IFT140: variants seen among roughly 807,000 people sequenced by gnomAD.
IFT140 encodes the protein intraflagellar transport protein 140 homolog.
In IFT140, 133 loss-of-function variants were observed where a neutral mutation model predicts 164.6. The ratio of observed to expected loss-of-function variants is 0.81; its 90% CI spans 0.70 to 0.93. The LOEUF is 0.93. IFT140 is among the 40% of genes least tolerant of loss of function. The pLI is 0.00. For synonymous variants in IFT140, 860 were observed against 817.3 expected, an observed-to-expected ratio of 1.05 and a Z score of -0.89; for missense variants, 2,045 against 1,972.3, an observed-to-expected ratio of 1.04 and a Z score of -0.70.
At chr16:1,577,785 G>A (rs1023268314) in intron 13 of IFT140, 1 of 152,124 alleles carries the variant, frequency 6.6e-6, no homozygotes, top group Admixed American at 6.6e-5. Flanking sequence ...AGTCCCAGAG[G>A]CGGAGGTTGC....
At chr16:1,543,450 C>T (rs747196676) in intron 19 of IFT140, among the ~76,000 whole-genome samples, 62 of 152,328 alleles carry the variant, frequency 4.1e-4, no homozygotes, top group Non-Finnish European at 6.5e-4. Flanking sequence ...GGGCAAGTCA[C>T]TTCCCCTGGC....
intron 10 of IFT140, 31 bp downstream of exon 10, chr16:1,586,099 T>A: frequency 6.2e-7 from 1 of 1,606,756 alleles, no homozygotes; most frequent in Non-Finnish European, 8.5e-7. Flanking sequence ...CAGCAGAAAA[T>A]GAGTGCACCG....
chr16:1,589,647 C>G lies in IFT140; in HGVS notation c.768G>C (p.Leu256=), dbSNP rs775181670. ...VVVTENLRLS[L]YTVPPEGKAE... ...CTTTGCCCTCAGGAGGCACCGTGTACAGGGACAGCCGGAGGTTCTCTGTGA... is the reference window on the plus strand; with the variant it reads ...CTTTGCCCTCAGGAGGCACCGTGTAGAGGGACAGCCGGAGGTTCTCTGTGA... Residue 256 remains leucine, a synonymous_variant, in exon 7 of 31, where the codon CTG becomes CTC. Transcript: ENST00000426508. 2 of 1,614,076 alleles carry G rather than the reference C, an allele frequency of 1.2e-6. No homozygotes were observed. Among genetic ancestry groups the G allele is most frequent in the Non-Finnish European group, 1.7e-6 (2 of 1,180,038 alleles).
intron 19 of IFT140, among the ~76,000 whole-genome samples, chr16:1,534,715 G>A (rs2030889597): frequency 6.6e-6 from 1 of 152,228 alleles, no homozygotes; most frequent in South Asian, 2.1e-4. Context: ...GTGTCTCCCA[G>A]GGAACCAGGC....
intron 16 of IFT140, 43 bp downstream of exon 16, chr16:1,566,118 A>G (rs773726071): frequency 3.1e-6 from 5 of 1,600,966 alleles, no homozygotes; most frequent in Admixed American, 3.4e-5. Context: ...AAGTAACTGA[A>G]CATCATTTTT....
Position 1,553,447 on chromosome 16 carries a change from C to T in IFT140, c.2399+4488G>A, listed in dbSNP as rs538164033. Reference sequence around the variant, plus strand: ...GAGTGGAGAGACCGGCATGAACAGACGCACAGGTGTCAACATGCAGGCCAG... The same window carrying T: ...GAGTGGAGAGACCGGCATGAACAGATGCACAGGTGTCAACATGCAGGCCAG... On this transcript the variant is annotated intron_variant, in intron 19 of 30. Coordinates refer to ENST00000426508, the MANE Select transcript of IFT140 (RefSeq NM_014714.4). The surrounding 1 kb of genome is among the most constrained non-coding windows in gnomAD (Gnocchi z 4.4). 6.8e-5 allele frequency: 67 copies of T among 985,420 alleles called. No individual in the cohort carries two copies. The highest frequency in any genetic ancestry group is 6.1e-4 in the South Asian group (13 of 21,286). The allele number at this position is 985,420 out of a possible 1,614,324, so 61.0% of individuals were successfully genotyped here. A position where few individuals can be genotyped will look rare whatever the true frequency, so the allele number is the denominator to read the frequency against.
chr16:1,529,030 G>C (rs2030148448), intron 19 of IFT140, among the ~76,000 whole-genome samples: 1 of 152,186 alleles, frequency 6.6e-6, no homozygotes, highest in Admixed American at 6.5e-5. Flanking sequence ...TCTGAGTCTA[G>C]GGGCTGGACG....
intron 19 of IFT140, among the ~76,000 whole-genome samples, chr16:1,557,401 C>T (rs748541126): frequency 6.6e-6 from 1 of 152,188 alleles, no homozygotes; most frequent in Non-Finnish European, 1.5e-5. Context: ...GGGCTTGCTC[C>T]GGCAACCTAA....
intron 10 of IFT140, 141 bp from the exon 11 acceptor site, chr16:1,584,561 T>C (rs1393732557): frequency 6.0e-6 from 4 of 665,122 alleles, no homozygotes; most frequent in Non-Finnish European, 1.0e-5. Context: ...AATGATCTTA[T>C]AAGACATTAT....
intron 2 of IFT140, among the ~76,000 whole-genome samples, chr16:1,608,216 G>A (rs1028190200): frequency 1.3e-5 from 2 of 152,090 alleles, no homozygotes; most frequent in Admixed American, 6.6e-5. Context: ...TATACACATC[G>A]TCCCTTTTCA....
intron 30 of IFT140, among the ~76,000 whole-genome samples, chr16:1,516,190 G>C (rs1426973972): frequency 9.1e-6 from 1 of 109,478 alleles, no homozygotes; most frequent in Admixed American, 1.0e-4. Flanking sequence ...ACCAGAAATG[G>C]ATGGTAAATA....
At chr16:1,545,511 C>T (rs764086859) in intron 19 of IFT140, among the ~76,000 whole-genome samples, 18 of 151,878 alleles carry the variant, frequency 1.2e-4, no homozygotes, top group African/African-American at 2.9e-4. Flanking sequence ...ATTTTAGAGT[C>T]GGGTTTTTTT....
At chr16:1,529,084 C>A (rs773627226) in intron 19 of IFT140, among the ~76,000 whole-genome samples, 1 of 152,218 alleles carries the variant, frequency 6.6e-6, no homozygotes, top group Non-Finnish European at 1.5e-5. Flanking sequence ...GTGGCTGCAA[C>A]GCGGCATACC....
chr16:1,538,959 C>T (rs540492658), intron 19 of IFT140, among the ~76,000 whole-genome samples: 1 of 152,316 alleles, frequency 6.6e-6, no homozygotes, highest in Non-Finnish European at 1.5e-5. Context: ...AAACCCAGGG[C>T]AAAAGCGCCC....
intron 19 of IFT140, chr16:1,554,904 A>G: frequency 6.2e-7 from 1 of 1,614,230 alleles, no homozygotes; most frequent in Non-Finnish European, 8.5e-7. Flanking sequence ...AGCCATGCTC[A>G]TCTGGAACAT....
intron 30 of IFT140, chr16:1,514,393 T>A (rs1450258445): frequency 6.6e-6 from 1 of 151,844 alleles, no homozygotes; most frequent in South Asian, 2.1e-4. Flanking sequence ...AATAAATAAA[T>A]AAAAGATTTT....
intron 12 of IFT140, among the ~76,000 whole-genome samples, chr16:1,582,358 C>T (rs1056631525): frequency 1.3e-5 from 2 of 152,166 alleles, no homozygotes; most frequent in African/African-American, 4.8e-5. Flanking sequence ...AGGTTTGTGA[C>T]CACAAGCCAA....
intron 11 of IFT140, among the ~76,000 whole-genome samples, chr16:1,583,935 A>C (rs540672929): frequency 6.6e-6 from 1 of 152,108 alleles, no homozygotes; most frequent in African/African-American, 2.4e-5. Context: ...GAGTTTTAGC[A>C]TCTTGGCCAG....
At chr16:1,522,752 C>T (rs1180805269) in intron 26 of IFT140, among the ~76,000 whole-genome samples, 5 of 152,040 alleles carry the variant, frequency 3.3e-5, no homozygotes, top group East Asian at 1.9e-4. Context: ...GCAGGAGAAT[C>T]GCCTGAACCC....
Sources: gnomAD v4.1 joint callset for allele counts (sites outside exome capture counted in the v4.1 genomes callset) on GRCh38, gnomAD v4.1.1 for gene constraint, Gnocchi (gnomAD v3.1) non-coding constraint, MANE v1.5 for transcripts, NCBI Gene and HGNC (gene_info 2026-07-23, HGNC 2026-07-21) for gene names.